Variants in CCDC7 observed in about 807,000 individuals in gnomAD.
CCDC7 encodes the protein coiled-coil domain-containing protein 7.
CCDC7 carries 183 observed loss-of-function variants against 196.9 expected under a neutral mutation model. That is an observed-to-expected ratio of 0.93 (90% confidence interval 0.82 to 1.05). The LOEUF (loss-of-function observed/expected upper bound fraction) is 1.05. Among genes scored for constraint, CCDC7 ranks in the 50% least tolerant of loss-of-function variants. The pLI is 0.00. For missense variants in CCDC7, 1,540 were observed against 1,482.2 expected, an observed-to-expected ratio of 1.04 and a Z score of -0.64; for synonymous variants, 525 against 484.6, an observed-to-expected ratio of 1.08 and a Z score of -1.10.
chr10:32,657,045 C>T (rs941573175), intron 20 of CCDC7, among the ~76,000 whole-genome samples: 1 of 152,262 alleles, frequency 6.6e-6, no homozygotes, highest in Non-Finnish European at 1.5e-5. Flanking sequence ...CTTCATGTCT[C>T]ACATCCAGGG....
At chr10:32,683,076 A>G (rs1363581161) in intron 21 of CCDC7, among the ~76,000 whole-genome samples, 1 of 152,184 alleles carries the variant, frequency 6.6e-6, no homozygotes, top group Admixed American at 6.5e-5. Flanking sequence ...GCCAAGTCCT[A>G]CATCCAGAAT....
chr10:32,523,839 C>T (rs1307459776), intron 11 of CCDC7, among the ~76,000 whole-genome samples: 1 of 151,560 alleles, frequency 6.6e-6, no homozygotes, highest in African/African-American at 2.4e-5. Flanking sequence ...TATCTTTTTC[C>T]ATTCCTATAT....
At chr10:32,571,256 G>T (rs1050415003) in intron 15 of CCDC7, among the ~76,000 whole-genome samples, 1 of 152,110 alleles carries the variant, frequency 6.6e-6, no homozygotes, top group Non-Finnish European at 1.5e-5. Flanking sequence ...TGATCTGCCT[G>T]CCTCGGCCTC....
rs144965874 is a variant in CCDC7, at chr10:32,760,757, T to TA, written c.2906-18210dup. Among the ~76,000 whole-genome samples the TA allele has an allele frequency of 2.9e-4, 42 of 143,818 alleles. 1 individual carries two copies. Among genetic ancestry groups the TA allele is most frequent in the Middle Eastern group, 6.9e-3 (2 of 288 alleles). The allele number at this position is 143,818 out of a possible 152,430, so 94.4% of individuals were successfully genotyped here. ...CCTTAAAGTATAATAATAATAAAAT[T>TA]AAAAAAAAAAGATATTACAAAAAAA... On this transcript the variant is annotated intron_variant, in intron 28 of 41. Transcript: ENST00000639629.
chr10:32,573,130 G>C (rs74835290), intron 16 of CCDC7, among the ~76,000 whole-genome samples: 5 of 151,610 alleles, frequency 3.3e-5, no homozygotes. Flanking sequence ...CACCCACCTC[G>C]GACTCCCAAA....
intron 6 of CCDC7, among the ~76,000 whole-genome samples, chr10:32,472,272 G>A (rs2038108392): frequency 6.6e-6 from 1 of 152,056 alleles, no homozygotes; most frequent in Admixed American, 6.5e-5. Flanking sequence ...GGCCTACATG[G>A]AATTCATATA....
At chr10:32,509,547 A>T (rs2045782372) in intron 9 of CCDC7, among the ~76,000 whole-genome samples, 1 of 151,776 alleles carries the variant, frequency 6.6e-6, no homozygotes, top group Non-Finnish European at 1.5e-5. Flanking sequence ...AAAAAGCAAG[A>T]ATAAACAACT....
At chr10:32,612,446 C>T (rs920241868) in intron 18 of CCDC7, among the ~76,000 whole-genome samples, 4 of 152,104 alleles carry the variant, frequency 2.6e-5, no homozygotes, top group Non-Finnish European at 5.9e-5. Flanking sequence ...CCAGAACTTC[C>T]AATATTATGT....
At position 32,728,963 on chromosome 10, in the gene CCDC7, GAAAC is replaced by G; in HGVS notation, c.2749_2752del (p.Gln917Ter). The G allele has an allele frequency of 6.2e-7, 1 of 1,605,872 alleles. No individual in the cohort carries two copies. Among genetic ancestry groups the G allele is most frequent in the Non-Finnish European group, 8.5e-7 (1 of 1,174,212 alleles). The stretch of plus-strand genomic sequence containing the variant: ...AGTCAAAACTCCAAATGCAAGAAAA[GAAAC>G]AAATAAATTCTGGAGTGGAAAGACA... On this transcript the variant is annotated frameshift_variant, in exon 27 of 42. Coordinates refer to ENST00000639629, the Ensembl canonical transcript of CCDC7. LOFTEE classifies it high-confidence loss of function.
At chr10:32,628,192 C>T (rs1057305605) in intron 18 of CCDC7, among the ~76,000 whole-genome samples, 3 of 151,846 alleles carry the variant, frequency 2.0e-5, no homozygotes, top group African/African-American at 7.3e-5. Context: ...AATCTCGTTA[C>T]TAATTATTGG....
In CCDC7 at chr10:32,642,005, C is replaced by T. The variant is rs116933275; in HGVS notation, c.2014+6847C>T. On this transcript the variant is annotated intron_variant, in intron 20 of 41. Transcript: ENST00000639629. ...AGCAAATGTTGCTTCCTGATCGTTT[C>T]TCTGGAAGTTTTGTCTCAGAGGAGT... Among the ~76,000 whole-genome samples, 764 of 152,292 alleles carry T rather than the reference C, an allele frequency of 5.0e-3. 5 individuals are homozygous for T. The highest frequency in any genetic ancestry group is 8.7e-3 in the Non-Finnish European group (592 of 68,012).
chr10:32,691,472 A>G (rs1416403268), intron 23 of CCDC7, among the ~76,000 whole-genome samples: 1 of 152,132 alleles, frequency 6.6e-6, no homozygotes, highest in African/African-American at 2.4e-5. Context: ...ACACATTGCT[A>G]TCTTGGTGGT....
intron 2 of CCDC7, among the ~76,000 whole-genome samples, chr10:32,455,435 C>T (rs1437789051): frequency 6.6e-6 from 1 of 152,020 alleles, no homozygotes; most frequent in East Asian, 1.9e-4. Context: ...GTGCCTCAGC[C>T]ACCCACGTAG....
chr10:32,586,113 C>T (rs1047208374), intron 18 of CCDC7, among the ~76,000 whole-genome samples: 26 of 152,206 alleles, frequency 1.7e-4, no homozygotes, highest in Non-Finnish European at 2.9e-4. Context: ...ATTTGCATTT[C>T]TCTAATGACC....
chr10:32,565,114 A>G (rs932921496), intron 13 of CCDC7, among the ~76,000 whole-genome samples: 1 of 152,254 alleles, frequency 6.6e-6, no homozygotes, highest in East Asian at 1.9e-4. Context: ...TCATATCAGA[A>G]GCAAAACTGG....
chr10:32,864,919 G>A (rs1007165110), intron 41 of CCDC7, among the ~76,000 whole-genome samples: 2 of 151,810 alleles, frequency 1.3e-5, no homozygotes, highest in African/African-American at 4.8e-5. Flanking sequence ...AGCTTTGTGT[G>A]TAACCACCAA....
chr10:32,584,793 A>T (rs73255445), intron 18 of CCDC7, among the ~76,000 whole-genome samples: 7,353 of 147,368 alleles, frequency 0.05, 654 homozygotes, highest in African/African-American at 0.18. Context: ...GTGAGTTATC[A>T]TTATATTACT....
intron 13 of CCDC7, among the ~76,000 whole-genome samples, chr10:32,545,380 T>C (rs1453273693): frequency 2.0e-5 from 3 of 152,230 alleles, no homozygotes; most frequent in Admixed American, 6.5e-5. Context: ...ATTAAGAATG[T>C]ACTAGTTAAG....
intron 13 of CCDC7, among the ~76,000 whole-genome samples, chr10:32,545,771 TG>T (rs1469982135): frequency 1.3e-5 from 2 of 151,856 alleles, no homozygotes; most frequent in Non-Finnish European, 2.9e-5. Context: ...CTGGGCATGG[TG>T]GCACGTGCCT....
Sources: gnomAD v4.1 joint callset for allele counts (sites outside exome capture counted in the v4.1 genomes callset) on GRCh38, gnomAD v4.1.1 for gene constraint, MANE v1.5 for transcripts, NCBI Gene and HGNC (gene_info 2026-07-23, HGNC 2026-07-21) for gene names.